Variants in MON2 observed in about 807,000 individuals in gnomAD.
The protein encoded by MON2 is protein MON2 homolog.
A neutral mutation model predicts 208.6 loss-of-function variants in MON2; 84 were observed. That is an observed-to-expected ratio of 0.40 (90% CI 0.34 to 0.48). MON2 has a LOEUF of 0.48. Ranked by LOEUF, MON2 falls within the 20% of genes least tolerant of loss-of-function variation. The pLI, the probability that MON2 is intolerant of heterozygous loss-of-function variation, is 0.59. For synonymous variants in MON2, 660 were observed against 694.0 expected, an observed-to-expected ratio of 0.95 and a Z score of 0.77; for missense variants, 1,611 against 2,015.4, an observed-to-expected ratio of 0.80 and a Z score of 3.84.
At chr12:62,467,361 C>T (rs1412311425) in intron 1 of MON2, 43 bp downstream of exon 1, 5 of 1,511,498 alleles carry the variant, frequency 3.3e-6, no homozygotes, top group Non-Finnish European at 4.6e-6. Context: ...GTGAGCATGC[C>T]TGGTCCTGTT....
At chr12:62,586,722 A>T (rs1225034192) in intron 33 of MON2, among the ~76,000 whole-genome samples, 1 of 152,146 alleles carries the variant, frequency 6.6e-6, no homozygotes, top group Non-Finnish European at 1.5e-5. Context: ...TTGATTTCTG[A>T]AGTATACTTG....
chr12:62,553,947 G>T (rs900683102), intron 24 of MON2, among the ~76,000 whole-genome samples: 1 of 152,148 alleles, frequency 6.6e-6, no homozygotes, highest in African/African-American at 2.4e-5. Flanking sequence ...ACTTTAGGAG[G>T]CTGAGGCAGC....
At chr12:62,533,713 C>T (rs890387123) in intron 12 of MON2, among the ~76,000 whole-genome samples, 3 of 152,076 alleles carry the variant, frequency 2.0e-5, no homozygotes, top group Admixed American at 6.6e-5. Context: ...AGTATTGAAA[C>T]GAACACAGGT....
chr12:62,493,344 G>A (rs1254423368), intron 2 of MON2, among the ~76,000 whole-genome samples: 2 of 152,312 alleles, frequency 1.3e-5, no homozygotes, highest in East Asian at 3.9e-4. Flanking sequence ...ATTATAGCAT[G>A]TGTACCCAAT....
At chr12:62,471,991 A>G (rs1027452178) in intron 1 of MON2, among the ~76,000 whole-genome samples, 2 of 152,212 alleles carry the variant, frequency 1.3e-5, no homozygotes, top group Non-Finnish European at 2.9e-5. Context: ...TGTTAGTAGG[A>G]ATAATTAAGT....
At chr12:62,584,077 TG>T (rs1385710822) in intron 32 of MON2, among the ~76,000 whole-genome samples, 1 of 151,816 alleles carries the variant, frequency 6.6e-6, no homozygotes, top group Non-Finnish European at 1.5e-5. Flanking sequence ...ACTTTTAACA[TG>T]GAAGCTCCAT....
At chr12:62,505,359 A>G (rs1192570861) in intron 7 of MON2, among the ~76,000 whole-genome samples, 5 of 152,210 alleles carry the variant, frequency 3.3e-5, no homozygotes, top group Non-Finnish European at 7.3e-5. Flanking sequence ...AATTGAAGAT[A>G]TGGGAGTGAA....
rs759613630 is a variant in MON2, at chr12:62,560,967, T to C, written c.3886T>C (p.Leu1296=). The change falls in exon 26 of 35, where the codon TTG becomes CTG. Residue 1296 remains leucine (L), a synonymous_variant. Coordinates refer to ENST00000393630, the MANE Select transcript of MON2 (RefSeq NM_015026.3). ...AAAAACTGGTTTCAATATGGATGAC[T>C]TGCAAAAGTTGGGAGTCATATTGCA... ...HIKTGFNMDD[L]QKLGVILHSA... is the part of the protein sequence containing the mutation. 1.1e-5 allele frequency: 17 copies of C among 1,613,914 alleles called. No individual in the cohort carries two copies. Among genetic ancestry groups the C allele is most frequent in the Non-Finnish European group, 1.4e-5 (17 of 1,179,914 alleles).
At chr12:62,556,528 C>G (rs1394625090) in intron 25 of MON2, among the ~76,000 whole-genome samples, 3 of 152,116 alleles carry the variant, frequency 2.0e-5, no homozygotes, top group Non-Finnish European at 2.9e-5. Context: ...GATGGACTTT[C>G]CTGAGAAAGC....
At position 62,537,240 on chromosome 12, in the gene MON2, G is replaced by A. The variant is rs1431569931; in HGVS notation, c.1990G>A (p.Val664Ile). 5.6e-6 allele frequency: 9 copies of A among 1,610,026 alleles called. No homozygotes were observed. The highest frequency in any genetic ancestry group is 7.6e-6 in the Non-Finnish European group (9 of 1,176,746). The change falls in exon 15 of 35, where the codon GTC (valine) becomes ATC (isoleucine). Residue 664 changes from valine to isoleucine, a missense_variant. Physicochemically the swap from Val to Ile is conservative, Grantham distance 29. Transcript: ENST00000393630. ...QVVAVGQPLA[V>I]QPQGTVMLTS... ...TGTGGCAGTGGGTCAACCTTTAGCAGTCCAGCCTCAAGGGACAGTAATGGT... is the reference window on the plus strand; with the variant it reads ...TGTGGCAGTGGGTCAACCTTTAGCAATCCAGCCTCAAGGGACAGTAATGGT...
chr12:62,519,905 T>C (rs572038382), intron 8 of MON2, among the ~76,000 whole-genome samples: 3 of 152,272 alleles, frequency 2.0e-5, no homozygotes, highest in South Asian at 2.1e-4. Context: ...AAACTCCGCC[T>C]CCTGGATTCA....
chr12:62,516,317 T>G (rs2071687044), intron 8 of MON2, among the ~76,000 whole-genome samples: 2 of 151,902 alleles, frequency 1.3e-5, no homozygotes. Flanking sequence ...TAGGGATGGT[T>G]AATGGGTACA....
intron 34 of MON2, 98 bp from the exon 35 acceptor site, chr12:62,592,488 T>C: frequency 2.1e-6 from 2 of 937,700 alleles, no homozygotes; most frequent in African/African-American, 3.3e-5. Flanking sequence ...TGTTTCAGAG[T>C]TTTTTCTTTA....
At chr12:62,592,487 GT>G in intron 34 of MON2, 98 bp from the exon 35 acceptor site, 1 of 937,096 alleles carries the variant, frequency 1.1e-6, no homozygotes, top group Non-Finnish European at 1.5e-6. Context: ...ATGTTTCAGA[GT>G]TTTTTCTTTA....
chr12:62,553,394 TTA>T, intron 24 of MON2: 1 of 426,510 alleles, frequency 2.3e-6, no homozygotes, highest in Non-Finnish European at 4.1e-6. Flanking sequence ...TCTCTTATTA[TTA>T]TATCTCTCGT....
At chr12:62,577,149 C>T (rs2074822059) in intron 30 of MON2, among the ~76,000 whole-genome samples, 1 of 152,028 alleles carries the variant, frequency 6.6e-6, no homozygotes, top group Non-Finnish European at 1.5e-5. Flanking sequence ...ACTTTTGTCT[C>T]TAGAGATGCA....
At chr12:62,571,291 G>A in intron 29 of MON2, 101 bp from the exon 30 acceptor site, 1 of 907,118 alleles carries the variant, frequency 1.1e-6, no homozygotes, top group Non-Finnish European at 1.6e-6. Flanking sequence ...TTTTTAAGAT[G>A]AAAATACCTA....
chr12:62,494,148 G>A, intron 3 of MON2, 106 bp downstream of exon 3: 2 of 1,057,662 alleles, frequency 1.9e-6, no homozygotes, highest in Non-Finnish European at 2.7e-6. Context: ...TTTACAAATA[G>A]CAATGTGCTC....
chr12:62,567,494 A>G (rs1320869332), intron 29 of MON2, among the ~76,000 whole-genome samples: 1 of 152,186 alleles, frequency 6.6e-6, no homozygotes. Context: ...CTGCTTTCTT[A>G]AACTTACAAA....
Sources: gnomAD v4.1 joint callset for allele counts (sites outside exome capture counted in the v4.1 genomes callset) on GRCh38, gnomAD v4.1.1 for gene constraint, MANE v1.5 for transcripts, NCBI Gene and HGNC (gene_info 2026-07-23, HGNC 2026-07-21) for gene names.